The following MDM2 variants were observed in gnomAD, a reference collection of about 807,000 sequenced individuals.
MDM2 encodes the protein E3 ubiquitin-protein ligase Mdm2.
A neutral mutation model predicts 64.3 loss-of-function variants in MDM2; 11 were observed. That is an observed-to-expected ratio of 0.17 (90% CI 0.11 to 0.28). MDM2 has a LOEUF of 0.28. MDM2 is among the 10% of genes least tolerant of loss of function. MDM2 has a pLI of 1.00. For synonymous variants in MDM2, 194 were observed against 192.9 expected (o/e 1.01, Z -0.05); for missense variants, 388 against 577.1 (o/e 0.67, Z 3.36).
downstream of MDM2, chr12:68,849,067 C>T (rs1884520788): frequency 6.7e-6 from 1 of 150,034 alleles, no homozygotes. Flanking sequence ...CGTTGGAAGA[C>T]TAAAGGTGTC....
rs1177390315 is a variant in MDM2, at chr12:68,840,173, C to T, written c.*324C>T. The stretch of plus-strand genomic sequence containing the variant: ...CTTATTATTTTTTTTGAGACCGAGT[C>T]TTGCTCTGTTACCCAGGCTGGAGTG... On this transcript the variant is annotated 3_prime_UTR_variant, in exon 11 of 11. Transcript: ENST00000258149. The T allele has an allele frequency of 3.9e-6, 1 of 255,778 alleles. No homozygotes were observed. The highest frequency in any genetic ancestry group is 7.5e-6 in the Non-Finnish European group (1 of 133,420). The allele number at this position is 255,778 out of a possible 1,614,324, so 15.8% of individuals were successfully genotyped here. A position where few individuals can be genotyped will look rare whatever the true frequency, so the allele number is the denominator to read the frequency against.
chr12:68,825,252 C>T (rs1442255927), intron 7 of MDM2, among the ~76,000 whole-genome samples: 4 of 152,172 alleles, frequency 2.6e-5, no homozygotes, highest in African/African-American at 7.2e-5. Context: ...TCTATTTTCA[C>T]CATTATTCTT....
At chr12:68,831,948 G>A (rs1467432543) in intron 8 of MDM2, among the ~76,000 whole-genome samples, 2 of 152,106 alleles carry the variant, frequency 1.3e-5, no homozygotes. Context: ...GCGGGCACCT[G>A]TAATCTAGCT....
intron 8 of MDM2, among the ~76,000 whole-genome samples, chr12:68,834,611 C>G (rs1883161624): frequency 6.6e-6 from 1 of 151,800 alleles, no homozygotes; most frequent in Non-Finnish European, 1.5e-5. Flanking sequence ...GTGGCATGCG[C>G]CTGTAGTCCC....
chr12:68,809,631 G>A (rs969107615), intron 2 of MDM2, among the ~76,000 whole-genome samples: 10 of 151,024 alleles, frequency 6.6e-5, no homozygotes, highest in Non-Finnish European at 1.0e-4. Context: ...AAAGTTATTC[G>A]TGCTTGTTTT....
At chr12:68,820,157 T>G (rs1238860786) in intron 4 of MDM2, among the ~76,000 whole-genome samples, 168 bp from the exon 5 acceptor site, 2 of 152,224 alleles carry the variant, frequency 1.3e-5, no homozygotes, top group Non-Finnish European at 2.9e-5. Flanking sequence ...TGCTACTAAT[T>G]ATTGTGCTTT....
At chr12:68,828,957 AAG>A (rs1159856799) in intron 8 of MDM2, 26 bp downstream of exon 8, 1 of 1,610,342 alleles carries the variant, frequency 6.2e-7, no homozygotes, top group Non-Finnish European at 8.5e-7. Flanking sequence ...TAAGTAAGGC[AAG>A]ACTCTTACTG....
chr12:68,841,794 C>T lies in MDM2; in HGVS notation c.*1945C>T, dbSNP rs1883790308. ...AACTGGAAAGATTGTTAAGTTCTTT[C>T]TGAATTATTCAGAAATTATGCATCA... On this transcript the variant is annotated 3_prime_UTR_variant, in exon 11 of 11. Coordinates refer to ENST00000258149, the MANE Select transcript of MDM2 (RefSeq NM_002392.6). The T allele has an allele frequency of 4.9e-6, 1 of 205,428 alleles. No individual in the cohort carries two copies. The highest frequency in any genetic ancestry group is 9.9e-6 in the Non-Finnish European group (1 of 100,624). 12.7% of individuals were successfully genotyped at this position (205,428 alleles called of 1,614,324 possible). A position where few individuals can be genotyped will look rare whatever the true frequency, so the allele number is the denominator to read the frequency against.
Position 68,845,000 on chromosome 12 carries a change from T to A in MDM2, c.*5151T>A, listed in dbSNP as rs1884154771. 3 of 195,452 alleles carry A rather than the reference T, an allele frequency of 1.5e-5. No individual in the cohort carries two copies. The highest frequency in any genetic ancestry group is 3.6e-3 in the Middle Eastern group (2 of 556). The allele number at this position is 195,452 out of a possible 1,614,324, so 12.1% of individuals were successfully genotyped here. On this transcript the variant is annotated 3_prime_UTR_variant, in exon 11 of 11. Transcript: ENST00000258149. The stretch of plus-strand genomic sequence containing the variant: ...CCAGGCTGGGCTCAAACTCCTGACC[T>A]CAAGTGATCTGCCCGCCTTGGCCCC...
At chr12:68,818,231 T>TA (rs1190930564) in intron 4 of MDM2, among the ~76,000 whole-genome samples, 1 of 152,172 alleles carries the variant, frequency 6.6e-6, no homozygotes, top group Non-Finnish European at 1.5e-5. Context: ...TAATGCTCAA[T>TA]AGTATAGCTG....
chr12:68,824,545 A>G lies in MDM2; in HGVS notation c.427-10A>G. On this transcript the variant is annotated splice_polypyrimidine_tract_variant and intron_variant, in intron 6 of 10. Coordinates refer to ENST00000258149, the MANE Select transcript of MDM2 (RefSeq NM_002392.6). Reference sequence around the variant, plus strand: ...GTTTGTTGTATTTTATTTTTTTCCTAAATGCTTAGGACCTTGTACAAGAGC... The same window carrying G: ...GTTTGTTGTATTTTATTTTTTTCCTGAATGCTTAGGACCTTGTACAAGAGC... 6.2e-7 allele frequency: 1 copy of G among 1,608,954 alleles called. No homozygotes were observed. Among genetic ancestry groups the G allele is most frequent in the Non-Finnish European group, 8.5e-7 (1 of 1,178,190 alleles).
intron 8 of MDM2, among the ~76,000 whole-genome samples, chr12:68,833,395 TATATAA>T (rs1346975720): frequency 9.8e-5 from 12 of 122,246 alleles, no homozygotes; most frequent in East Asian, 2.1e-4. Context: ...TATTACTATT[TATATAA>T]ATATAAATAT....
chr12:68,843,484 ATC>A lies in MDM2; in HGVS notation c.*3640_*3641del, dbSNP rs1345336066. ...AACATTTAAAATTTCTAATATAAGT[ATC>A]TCTCAAACTGTGGATTAACTTCTTG... On this transcript the variant is annotated 3_prime_UTR_variant, in exon 11 of 11. Coordinates refer to ENST00000258149, the MANE Select transcript of MDM2 (RefSeq NM_002392.6). The A allele has an allele frequency of 4.4e-6, 1 of 225,584 alleles. No homozygotes were observed. The highest frequency in any genetic ancestry group is 2.3e-5 in the African/African-American group (1 of 43,606). 14.0% of individuals were successfully genotyped at this position (225,584 alleles called of 1,614,324 possible).
At chr12:68,818,407 AG>A (rs1364687929) in intron 4 of MDM2, among the ~76,000 whole-genome samples, 1 of 151,634 alleles carries the variant, frequency 6.6e-6, no homozygotes, top group Non-Finnish European at 1.5e-5. Context: ...AGGAAAAAAA[AG>A]GACTGTAGTT....
chr12:68,821,268 G>A (rs1469995659), intron 5 of MDM2, among the ~76,000 whole-genome samples: 6 of 151,862 alleles, frequency 4.0e-5, no homozygotes, highest in African/African-American at 4.8e-5. Context: ...GGCTGGTCTC[G>A]AACTCCTGAC....
At chr12:68,808,895 A>G (rs1315284213) in intron 1 of MDM2, 41 of 1,359,854 alleles carry the variant, frequency 3.0e-5, no homozygotes, top group Non-Finnish European at 3.9e-5. Context: ...TTCAGTGGGC[A>G]GGTTGACTCA....
chr12:68,810,183 G>A (rs1470543214), intron 2 of MDM2, among the ~76,000 whole-genome samples: 1 of 151,854 alleles, frequency 6.6e-6, no homozygotes, highest in African/African-American at 2.4e-5. Flanking sequence ...ATGGTGGCGC[G>A]CGCCTATAAT....
intron 2 of MDM2, among the ~76,000 whole-genome samples, chr12:68,812,368 A>G (rs910656030): frequency 8.7e-4 from 132 of 152,084 alleles, no homozygotes; most frequent in African/African-American, 3.2e-3. Context: ...AAAGTTAGAC[A>G]GAGGACCGGG....
chr12:68,832,567 C>T (rs1360749728), intron 8 of MDM2, among the ~76,000 whole-genome samples: 1 of 151,964 alleles, frequency 6.6e-6, no homozygotes, highest in African/African-American at 2.4e-5. Flanking sequence ...GGCGGGAGTG[C>T]AGCGCATGAT....
Sources: allele counts gnomAD v4.1 joint callset (sites outside exome capture counted in the v4.1 genomes callset), GRCh38; gene constraint gnomAD v4.1.1; transcripts MANE v1.5; gene names NCBI Gene and HGNC (gene_info 2026-07-23, HGNC 2026-07-21).